The following EXT2 variants were observed in gnomAD, a reference collection of about 807,000 sequenced individuals.
EXT2 encodes exostosin-2.
A neutral mutation model predicts 81.6 loss-of-function variants in EXT2; 53 were observed. The observed-to-expected ratio is 0.65, with a 90% CI of 0.52 to 0.82. The LOEUF (loss-of-function observed/expected upper bound fraction) is 0.82, where lower values mean the gene tolerates loss of function less well. Among genes scored for constraint, EXT2 ranks in the 40% least tolerant of loss-of-function variants. The pLI is 0.00. For missense variants in EXT2, 774 were observed against 910.2 expected (o/e 0.85, Z 1.93); for synonymous variants, 320 against 340.0 (o/e 0.94, Z 0.65).
At chr11:44,170,895 T>C (rs1224257288) in intron 7 of EXT2, among the ~76,000 whole-genome samples, 1 of 151,772 alleles carries the variant, frequency 6.6e-6, no homozygotes, top group Non-Finnish European at 1.5e-5. Context: ...GATGGCTTCT[T>C]TGAGGAATTC....
chr11:44,099,959 C>T (rs530140150), intron 1 of EXT2, among the ~76,000 whole-genome samples: 4 of 152,244 alleles, frequency 2.6e-5, no homozygotes, highest in East Asian at 1.9e-4. Flanking sequence ...TAGCTTGTGT[C>T]GACACACTTC....
chr11:44,207,004 C>T (rs1955591699), intron 10 of EXT2, 45 bp downstream of exon 10: 5 of 1,568,504 alleles, frequency 3.2e-6, no homozygotes, highest in Non-Finnish European at 4.4e-6. Context: ...AATATTACTT[C>T]CTATGACTGC....
intron 2 of EXT2, among the ~76,000 whole-genome samples, chr11:44,108,476 G>A (rs1025840854): frequency 6.6e-6 from 1 of 152,244 alleles, no homozygotes; most frequent in Non-Finnish European, 1.5e-5. Context: ...CACTACTGCT[G>A]TGGGTTCCCA....
At position 44,227,572 on chromosome 11, in the gene EXT2, A is replaced by G. The variant is rs182412023; in HGVS notation, c.1663-4781A>G. 1.1e-3 allele frequency among the ~76,000 whole-genome samples: 168 copies of G among 152,322 alleles called. 1 individual carries two copies. The highest frequency in any genetic ancestry group is 3.9e-3 in the African/African-American group (163 of 41,580). On this transcript the variant is annotated intron_variant, in intron 10 of 13. Coordinates refer to ENST00000533608, the MANE Select transcript of EXT2 (RefSeq NM_207122.2). Reference sequence around the variant, plus strand: ...ACCATGTGCCTCTGGTCCACTTTCTATAGGATGTGAGACTCAATCTAGGCT... The same window carrying G: ...ACCATGTGCCTCTGGTCCACTTTCTGTAGGATGTGAGACTCAATCTAGGCT...
rs1206505743 is a variant in EXT2 at position 44,247,085 on chromosome 11, T to G, written c.*2798T>G. ...GGAAATACTTTTTTATTTTGCTGAT[T>G]AACATTACATAGTTGTTAAAATGTT... On this transcript the variant is annotated 3_prime_UTR_variant, in exon 14 of 14. Coordinates refer to ENST00000533608, the MANE Select transcript of EXT2 (RefSeq NM_207122.2). Among the ~76,000 whole-genome samples the G allele has an allele frequency of 6.6e-6, 1 of 152,234 alleles. No individual in the cohort carries two copies. The highest frequency in any genetic ancestry group is 1.5e-5 in the Non-Finnish European group (1 of 68,038).
At chr11:44,189,312 G>T (rs1405477870) in intron 8 of EXT2, among the ~76,000 whole-genome samples, 1 of 152,136 alleles carries the variant, frequency 6.6e-6, no homozygotes, top group Non-Finnish European at 1.5e-5. Flanking sequence ...TCTGTTTAAT[G>T]GTTGGTCAGT....
In EXT2 at chr11:44,206,944, G is replaced by A; in HGVS notation, c.1647G>A (p.Leu549=). The change falls in exon 10 of 14, where the codon CTG becomes CTA. Residue 549 remains leucine (L), a synonymous_variant. Coordinates refer to ENST00000533608, the MANE Select transcript of EXT2 (RefSeq NM_207122.2). ...TCATTATGCTGACCTCTGACGAGCT[G>A]CAATTTGGTTATGAGGTAAGGAGGT... The part of the protein sequence containing the change: ...DDIIMLTSDE[L]QFGYEVWREF... 6.2e-7 allele frequency: 1 copy of A among 1,614,064 alleles called. No individual in the cohort carries two copies. The highest frequency in any genetic ancestry group is 8.5e-7 in the Non-Finnish European group (1 of 1,179,970).
chr11:44,110,014 G>C (rs191325349), intron 3 of EXT2, among the ~76,000 whole-genome samples: 1 of 152,224 alleles, frequency 6.6e-6, no homozygotes, highest in Admixed American at 6.5e-5. Context: ...AGAAAGTTGG[G>C]GCGCAATATA....
chr11:44,105,734 G>T (rs1268065969), intron 1 of EXT2, among the ~76,000 whole-genome samples: 1 of 152,204 alleles, frequency 6.6e-6, no homozygotes. Flanking sequence ...TATAGGAGAG[G>T]CTTGTTTGGT....
intron 7 of EXT2, among the ~76,000 whole-genome samples, chr11:44,145,748 T>G (rs994568823): frequency 6.6e-6 from 1 of 152,246 alleles, no homozygotes; most frequent in Non-Finnish European, 1.5e-5. Flanking sequence ...CTAAAAACTA[T>G]GAACTTTATT....
intron 10 of EXT2, among the ~76,000 whole-genome samples, chr11:44,214,426 T>A (rs1955692662): frequency 6.6e-6 from 1 of 152,172 alleles, no homozygotes; most frequent in Non-Finnish European, 1.5e-5. Context: ...AACTTTTTTC[T>A]TCTATCCATT....
intron 13 of EXT2, among the ~76,000 whole-genome samples, chr11:44,238,824 A>G (rs1956001029): frequency 6.6e-6 from 1 of 152,198 alleles, no homozygotes. Context: ...AGCAAGTTCA[A>G]CAAGAAGAAG....
At chr11:44,119,383 C>A (rs1954284568) in intron 4 of EXT2, among the ~76,000 whole-genome samples, 1 of 151,844 alleles carries the variant, frequency 6.6e-6, no homozygotes, top group Non-Finnish European at 1.5e-5. Context: ...CTGGAGAAAC[C>A]AGGCACAAGC....
At chr11:44,206,282 C>T (rs1292490817) in intron 9 of EXT2, among the ~76,000 whole-genome samples, 1 of 152,182 alleles carries the variant, frequency 6.6e-6, no homozygotes, top group Non-Finnish European at 1.5e-5. Flanking sequence ...CACTATATTT[C>T]CTAGCACTGC....
intron 13 of EXT2, among the ~76,000 whole-genome samples, chr11:44,242,832 G>A (rs1289298637): frequency 6.6e-6 from 1 of 152,008 alleles, no homozygotes; most frequent in Non-Finnish European, 1.5e-5. Context: ...TGCCTGCTTT[G>A]GCTCTAGCTT....
intron 7 of EXT2, among the ~76,000 whole-genome samples, chr11:44,157,675 A>G (rs894453334): frequency 6.6e-6 from 1 of 152,068 alleles, no homozygotes; most frequent in Non-Finnish European, 1.5e-5. Flanking sequence ...TCCAGGAACC[A>G]AGGCCTGGGA....
chr11:44,181,483 C>T (rs1157131563), intron 8 of EXT2, among the ~76,000 whole-genome samples: 5 of 152,068 alleles, frequency 3.3e-5, no homozygotes, highest in African/African-American at 4.8e-5. Flanking sequence ...CTTTATGGGA[C>T]GTCTGTTACA....
At position 44,126,874 on chromosome 11, in the gene EXT2, A is replaced by T; in HGVS notation, c.998A>T (p.Asp333Val). ...GARLGQAVLS[D>V]VLQAGCVPVV... The stretch of plus-strand genomic sequence containing the variant: ...CGGCTGGGCCAGGCAGTATTGAGCG[A>T]TGTGTTACAAGCTGGCTGTGTCCCG... The change falls in exon 6 of 14, where the codon GAT becomes GTT. Residue 333 changes from aspartate (D) to valine (V), a missense_variant. By Grantham distance (152) the Asp-to-Val change is radical. Transcript: ENST00000533608. 1 of 1,614,070 alleles carries T rather than the reference A, an allele frequency of 6.2e-7. No homozygotes were observed. Among genetic ancestry groups the T allele is most frequent in the East Asian group, 2.2e-5 (1 of 44,878 alleles).
chr11:44,112,546 A>G (rs1315480410), intron 3 of EXT2, among the ~76,000 whole-genome samples: 2 of 152,218 alleles, frequency 1.3e-5, no homozygotes, highest in Non-Finnish European at 2.9e-5. Context: ...TCTCCATTAT[A>G]ATGTAATGGA....
Sources: allele counts gnomAD v4.1 joint callset (sites outside exome capture counted in the v4.1 genomes callset), GRCh38; gene constraint gnomAD v4.1.1; transcripts MANE v1.5; gene names NCBI Gene and HGNC (gene_info 2026-07-23, HGNC 2026-07-21).